The following ARHGAP26 variants were observed in gnomAD, a reference collection of about 807,000 sequenced individuals.
The protein encoded by ARHGAP26 is rho GTPase-activating protein 26.
ARHGAP26 carries 38 observed loss-of-function variants against 104.8 expected under a neutral mutation model. The ratio of observed to expected loss-of-function variants is 0.36; its 90% CI spans 0.28 to 0.48. The LOEUF is 0.48. ARHGAP26 is among the 20% of genes least tolerant of loss of function. The pLI is 0.99. For synonymous variants in ARHGAP26, 341 were observed against 340.0 expected (o/e 1.00, Z -0.03); for missense variants, 704 against 947.9 (o/e 0.74, Z 3.38).
intron 1 of ARHGAP26, among the ~76,000 whole-genome samples, chr5:142,836,160 G>A (rs1220412560): frequency 6.6e-6 from 1 of 152,088 alleles, no homozygotes; most frequent in Non-Finnish European, 1.5e-5. Context: ...TTTAATTCTG[G>A]GTCCAGGCAT....
At chr5:143,085,689 A>C (rs1790497829) in intron 17 of ARHGAP26, among the ~76,000 whole-genome samples, 1 of 152,230 alleles carries the variant, frequency 6.6e-6, no homozygotes, top group Non-Finnish European at 1.5e-5. Flanking sequence ...AGAGCGCTCC[A>C]CAGCATTGGT....
At chr5:143,062,388 C>A (rs1256443081) in intron 17 of ARHGAP26, among the ~76,000 whole-genome samples, 5 of 152,026 alleles carry the variant, frequency 3.3e-5, no homozygotes. Context: ...CCAAAATGGA[C>A]AAAATTCTGT....
Position 143,188,731 on chromosome 5 carries a change from C to T in ARHGAP26, c.1989-18467C>T, listed in dbSNP as rs1282362505. Among the ~76,000 whole-genome samples, 4 of 152,276 alleles carry T rather than the reference C, an allele frequency of 2.6e-5. No homozygotes were observed. The East Asian group carries it at 5.8e-4, about 22-fold the overall frequency. ...ACTGAATGAGCTTGTACCACTGTGA[C>T]CATGAATACCGTTGCAAGTGAATTA... On this transcript the variant is annotated intron_variant, in intron 20 of 22. Coordinates refer to ENST00000645722, the MANE Select transcript of ARHGAP26 (RefSeq NM_001135608.3).
rs34546007 is a variant in ARHGAP26, at chr5:142,812,398, G to A, written c.154+41483G>A. On this transcript the variant is annotated intron_variant, in intron 1 of 22. Transcript: ENST00000645722. ...TTTTTTGACAGAGGAGTGTAGTGGC[G>A]TAATCTTGGCTCAGTGCAACCTCTG... is the stretch of plus-strand genomic sequence containing the variant. Among the ~76,000 whole-genome samples the A allele has an allele frequency of 4.6e-3, 705 of 151,638 alleles. 2 individuals are homozygous for A. The highest frequency in any genetic ancestry group is 6.2e-3 in the South Asian group (30 of 4,814).
chr5:142,851,966 A>G (rs530297822), intron 1 of ARHGAP26, among the ~76,000 whole-genome samples: 1 of 152,322 alleles, frequency 6.6e-6, no homozygotes, highest in South Asian at 2.1e-4. Context: ...GTCCCTCCCC[A>G]GTCTTGGAAA....
At chr5:143,117,546 C>CA (rs1288627406) in intron 17 of ARHGAP26, among the ~76,000 whole-genome samples, 2 of 151,616 alleles carry the variant, frequency 1.3e-5, no homozygotes, top group African/African-American at 2.4e-5. Flanking sequence ...TCTTCCCACC[C>CA]AAAAAAAAGT....
At chr5:142,898,231 C>CAT (rs767748231) in intron 6 of ARHGAP26, among the ~76,000 whole-genome samples, 9 of 151,776 alleles carry the variant, frequency 5.9e-5, no homozygotes, top group Non-Finnish European at 7.4e-5. Context: ...TACGTATGTG[C>CAT]ATATATATAT....
chr5:143,018,321 C>T (rs1007776890), intron 12 of ARHGAP26, among the ~76,000 whole-genome samples: 6 of 152,228 alleles, frequency 3.9e-5, no homozygotes, highest in African/African-American at 1.2e-4. Flanking sequence ...CCTTCTTTGA[C>T]TATAAATCCT....
At chr5:142,926,630 A>G (rs1033545324) in intron 10 of ARHGAP26, among the ~76,000 whole-genome samples, 1 of 152,168 alleles carries the variant, frequency 6.6e-6, no homozygotes, top group Non-Finnish European at 1.5e-5. Context: ...GGAAATGGCC[A>G]TTATGTCAGT....
intron 20 of ARHGAP26, chr5:143,194,266 G>A (rs1806440889): frequency 6.6e-6 from 1 of 152,212 alleles, no homozygotes; most frequent in African/African-American, 2.4e-5. Context: ...TATTTATTAA[G>A]CTATGTCTTT....
At chr5:143,181,242 T>G (rs1804304765) in intron 20 of ARHGAP26, among the ~76,000 whole-genome samples, 1 of 152,188 alleles carries the variant, frequency 6.6e-6, no homozygotes, top group Non-Finnish European at 1.5e-5. Flanking sequence ...TACTATATAC[T>G]CCTTAATCCT....
intron 20 of ARHGAP26, among the ~76,000 whole-genome samples, chr5:143,188,686 A>G (rs1012159112): frequency 1.8e-4 from 28 of 152,194 alleles, no homozygotes; most frequent in Admixed American, 3.9e-4. Flanking sequence ...GAAAGTGTAG[A>G]CTGATGATTT....
At chr5:142,840,615 C>A (rs1770580977) in intron 1 of ARHGAP26, among the ~76,000 whole-genome samples, 1 of 152,088 alleles carries the variant, frequency 6.6e-6, no homozygotes, top group African/African-American at 2.4e-5. Context: ...GGGGAGGGCC[C>A]ATGGCAAGTG....
At chr5:143,180,729 C>G (rs190372656) in intron 20 of ARHGAP26, among the ~76,000 whole-genome samples, 1 of 152,218 alleles carries the variant, frequency 6.6e-6, no homozygotes, top group Non-Finnish European at 1.5e-5. Flanking sequence ...AGCATTCACC[C>G]CCATGATCCA....
At chr5:143,084,834 C>G (rs1331068605) in intron 17 of ARHGAP26, among the ~76,000 whole-genome samples, 1 of 152,126 alleles carries the variant, frequency 6.6e-6, no homozygotes, top group African/African-American at 2.4e-5. Context: ...ATCACGTGGT[C>G]AGGAGATGGA....
At chr5:142,832,728 G>A (rs1231539467) in intron 1 of ARHGAP26, among the ~76,000 whole-genome samples, 1 of 152,154 alleles carries the variant, frequency 6.6e-6, no homozygotes, top group East Asian at 1.9e-4. Context: ...TGGGCATTGA[G>A]TTTACAAAGA....
chr5:142,967,520 G>A (rs533005321), intron 11 of ARHGAP26, among the ~76,000 whole-genome samples: 4 of 152,152 alleles, frequency 2.6e-5, no homozygotes, highest in African/African-American at 4.8e-5. Flanking sequence ...GGTGGCTCAC[G>A]CCTGTAATCC....
chr5:143,037,228 A>T lies in ARHGAP26; in HGVS notation c.1177A>T (p.Ile393Phe). 6.2e-7 allele frequency: 1 copy of T among 1,605,254 alleles called. No homozygotes were observed. The highest frequency in any genetic ancestry group is 8.5e-7 in the Non-Finnish European group (1 of 1,173,264). ...GTTGGACAGCATTGGCTTCAGCATA[A>T]TCAGGAAATGCATCCATGCTGTGGA... ...AQLDSIGFSIIRKCIHAVETR... is the reference protein window; with the variant it reads ...AQLDSIGFSIFRKCIHAVETR... The change falls in exon 13 of 23, where the codon ATC (isoleucine) becomes TTC (phenylalanine). Residue 393 changes from isoleucine (I) to phenylalanine (F), a missense_variant. Transcript: ENST00000645722.
intron 15 of ARHGAP26, 90 bp from the exon 16 acceptor site, chr5:143,055,938 A>G (rs1419414045): frequency 1.2e-6 from 1 of 862,672 alleles, no homozygotes; most frequent in Non-Finnish European, 1.9e-6. Context: ...CGAGAAATGT[A>G]TTACAGTTTG....
Sources: allele counts gnomAD v4.1 joint callset (sites outside exome capture counted in the v4.1 genomes callset), GRCh38; gene constraint gnomAD v4.1.1; transcripts MANE v1.5; gene names NCBI Gene and HGNC (gene_info 2026-07-23, HGNC 2026-07-21).